Variants in PCDHA2 observed in about 807,000 individuals in gnomAD.
PCDHA2 encodes the protein protocadherin alpha 2.
A neutral mutation model predicts 66.0 loss-of-function variants in PCDHA2; 58 were observed. That is an observed-to-expected ratio of 0.88 (90% CI 0.71 to 1.09). The LOEUF is 1.09. Ranked by LOEUF, PCDHA2 falls within the 50% of genes least tolerant of loss-of-function variation. PCDHA2 has a pLI of 0.00. For missense variants in PCDHA2, 1,267 were observed against 1,242.3 expected (o/e 1.02, Z -0.30); for synonymous variants, 634 against 554.0 (o/e 1.14, Z -2.03).
chr5:141,007,395 C>CAAAAAAAAAAAAAAAAAAAAAAAAAAA (rs35800918), intron 3 of PCDHA2, among the ~76,000 whole-genome samples: 1 of 94,866 alleles, frequency 1.1e-5, no homozygotes, highest in Non-Finnish European at 2.1e-5. Context: ...TACTAAAATA[C>CAAAAAAAAAAAAAAAAAAAAAAAAAAA]AAAAAAAAAA....
intron 1 of PCDHA2, chr5:140,849,467 T>A: frequency 1.3e-6 from 2 of 1,589,378 alleles, no homozygotes; most frequent in South Asian, 2.2e-5. Context: ...AGGCTGTCGA[T>A]AAAGGCTTCC....
chr5:141,005,164 G>T (rs782398186), intron 3 of PCDHA2, among the ~76,000 whole-genome samples: 1 of 152,178 alleles, frequency 6.6e-6, no homozygotes, highest in Non-Finnish European at 1.5e-5. Context: ...TAAAGAGTGG[G>T]TACCACTTTC....
chr5:141,007,694 C>T (rs1466885866), intron 3 of PCDHA2, among the ~76,000 whole-genome samples: 1 of 152,186 alleles, frequency 6.6e-6, no homozygotes, highest in Non-Finnish European at 1.5e-5. Context: ...CTTCCACCTC[C>T]CTCCTCTGCC....
rs193007351 is a variant in PCDHA2 at position 140,836,957 on chromosome 5, G to A, written c.2388+39605G>A. The A allele has an allele frequency of 4.7e-4, 193 of 414,742 alleles. 3 individuals carry two copies. In the East Asian group the frequency reaches 5.2e-3, roughly 11 times the overall value. The allele number at this position is 414,742 out of a possible 1,614,324, so 25.7% of individuals were successfully genotyped here. On this transcript the variant is annotated intron_variant, in intron 1 of 3. Coordinates refer to ENST00000526136, the MANE Select transcript of PCDHA2 (RefSeq NM_018905.3). ...CTATAGATCAAAATCTATGGTTTATGTTGGCTACTCTCCATTTTTGGAGGA... is the reference window on the plus strand; with the variant it reads ...CTATAGATCAAAATCTATGGTTTATATTGGCTACTCTCCATTTTTGGAGGA...
rs782186555 is a variant in PCDHA2 at position 140,803,059 on chromosome 5, C to T, written c.2388+5707C>T. On this transcript the variant is annotated intron_variant, in intron 1 of 3. Transcript: ENST00000526136. The stretch of plus-strand genomic sequence containing the variant: ...CCTGGGACCGGCGGTGCGCGCATCC[C>T]GTTTCGCGTGGGGCTGTACACGGGA... The T allele has an allele frequency of 3.1e-6, 5 of 1,613,996 alleles. No homozygotes were observed. The Middle Eastern group carries it at 4.9e-4, about 160-fold the overall frequency.
At chr5:140,893,273 A>G (rs1381847994) in intron 1 of PCDHA2, among the ~76,000 whole-genome samples, 1 of 152,150 alleles carries the variant, frequency 6.6e-6, no homozygotes, top group Non-Finnish European at 1.5e-5. Context: ...CAATAGTGGA[A>G]TTGCTGGATG....
intron 1 of PCDHA2, chr5:140,871,341 C>G (rs2053000377): frequency 6.2e-7 from 1 of 1,614,188 alleles, no homozygotes; most frequent in African/African-American, 1.3e-5. Context: ...CGGTGGGGAG[C>G]TGGTCATACT....
intron 1 of PCDHA2, chr5:140,968,431 G>T: frequency 6.2e-7 from 1 of 1,613,980 alleles, no homozygotes; most frequent in South Asian, 1.1e-5. Flanking sequence ...AGGACAAGGG[G>T]AGCCCACCAC....
rs1761997096 is a variant in PCDHA2 at position 140,795,806 on chromosome 5, T to C, written c.842T>C (p.Leu281Pro). 1 of 1,613,768 alleles carries C rather than the reference T, an allele frequency of 6.2e-7. No individual in the cohort carries two copies. Among genetic ancestry groups the C allele is most frequent in the South Asian group, 1.1e-5 (1 of 91,084 alleles). Residue 281 changes from leucine to proline, a missense_variant, in exon 1 of 4, where the codon CTC becomes CCC. Transcript: ENST00000526136. ...EGPNSEIVYSLGSDVSSTIQT... is the reference protein window; with the variant it reads ...EGPNSEIVYSPGSDVSSTIQT... ...CCGAACAGCGAGATTGTGTATTCAC[T>C]CGGTAGTGATGTGTCCTCCACTATA...
intron 1 of PCDHA2, among the ~76,000 whole-genome samples, chr5:140,978,124 G>A (rs1554239035): frequency 6.6e-6 from 1 of 152,140 alleles, no homozygotes; most frequent in East Asian, 1.9e-4. Context: ...GTCTTTAGGT[G>A]CCCATATTTT....
chr5:140,898,464 T>C (rs2066757130), intron 1 of PCDHA2, among the ~76,000 whole-genome samples: 1 of 152,198 alleles, frequency 6.6e-6, no homozygotes, highest in Admixed American at 6.5e-5. Flanking sequence ...CCCCATTGCT[T>C]GTTTTTCTCA....
At position 140,796,400 on chromosome 5, in the gene PCDHA2, C is replaced by T. The variant is rs202116317; in HGVS notation, c.1436C>T (p.Ala479Val). Residue 479 changes from alanine (A) to valine (V), a missense_variant, in exon 1 of 4, where the codon GCG becomes GTG. Physicochemically the swap from Ala to Val is moderately conservative, Grantham distance 64. Transcript: ENST00000526136. ...PPGCHIFTVS[A>V]WDADAQENAL... ...GGCTGCCACATCTTCACGGTGTCAGCGTGGGATGCGGACGCGCAGGAGAAC... is the reference window on the plus strand; with the variant it reads ...GGCTGCCACATCTTCACGGTGTCAGTGTGGGATGCGGACGCGCAGGAGAAC... 3.1e-6 allele frequency: 5 copies of T among 1,613,752 alleles called. No homozygotes were observed. The highest frequency in any genetic ancestry group is 1.3e-5 in the African/African-American group (1 of 74,872).
In PCDHA2 at chr5:140,836,627, G is replaced by A. The variant is rs1580852478; in HGVS notation, c.2388+39275G>A. 7 of 1,613,588 alleles carry A rather than the reference G, an allele frequency of 4.3e-6. No individual in the cohort carries two copies. In the East Asian group the frequency reaches 1.3e-4, roughly 31 times the overall value. On this transcript the variant is annotated intron_variant, in intron 1 of 3. Coordinates refer to ENST00000526136, the MANE Select transcript of PCDHA2 (RefSeq NM_018905.3). ...TGTGCTCCAGCGCGGTGGGGAGCTG[G>A]TCATTCTCCCAGCAGAGGCGGCAGA...
intron 1 of PCDHA2, among the ~76,000 whole-genome samples, chr5:140,838,864 G>T (rs1775916115): frequency 6.6e-6 from 1 of 151,900 alleles, no homozygotes; most frequent in African/African-American, 2.4e-5. Flanking sequence ...CCAAGCTGCA[G>T]TTATCATGCC....
intron 1 of PCDHA2, among the ~76,000 whole-genome samples, chr5:140,960,656 G>T (rs553083977): frequency 1.3e-5 from 2 of 152,218 alleles, no homozygotes; most frequent in Admixed American, 1.3e-4. Context: ...CCAAATCAAT[G>T]AATGCTTTGG....
At chr5:140,877,789 A>G (rs2057339151) in intron 1 of PCDHA2, 1 of 1,613,954 alleles carries the variant, frequency 6.2e-7, no homozygotes, top group Non-Finnish European at 8.5e-7. Context: ...CATGGCCTTC[A>G]GCCCAAGCCT....
At chr5:140,828,402 T>C (rs1554131287) in intron 1 of PCDHA2, 3 of 1,614,248 alleles carry the variant, frequency 1.9e-6, no homozygotes, top group Non-Finnish European at 2.5e-6. Context: ...GAGTGCAGCA[T>C]CCACCTGGAG....
Position 140,808,468 on chromosome 5 carries a change from G to C in PCDHA2, c.2388+11116G>C, listed in dbSNP as rs782622784. The C allele has an allele frequency of 4.3e-6, 7 of 1,614,178 alleles. No individual in the cohort carries two copies. The South Asian group carries it at 4.4e-5, about 10-fold the overall frequency. ...CAGCCTATGAGCTGGTGGTGACCGC[G>C]CGAGACGGGGGCTCGCCTTCGCTGT... On this transcript the variant is annotated intron_variant, in intron 1 of 3. Coordinates refer to ENST00000526136, the MANE Select transcript of PCDHA2 (RefSeq NM_018905.3).
At chr5:140,831,351 C>T (rs1307103488) in intron 1 of PCDHA2, 1 of 129,732 alleles carries the variant, frequency 7.7e-6, no homozygotes, top group African/African-American at 3.0e-5. Flanking sequence ...TTAAACTATT[C>T]ACTATTTTGT....
Sources: gnomAD v4.1 joint callset for allele counts (sites outside exome capture counted in the v4.1 genomes callset) on GRCh38, gnomAD v4.1.1 for gene constraint, MANE v1.5 for transcripts, NCBI Gene and HGNC (gene_info 2026-07-23, HGNC 2026-07-21) for gene names.